Variants in RNF13 observed in about 807,000 individuals in gnomAD.
RNF13 encodes the protein ring finger protein 13.
A neutral mutation model predicts 37.7 loss-of-function variants in RNF13; 19 were observed. The ratio of observed to expected loss-of-function variants is 0.50; its 90% CI spans 0.35 to 0.74. The LOEUF (loss-of-function observed/expected upper bound fraction) is 0.74. RNF13 is among the 30% of genes least tolerant of loss of function. RNF13 has a pLI of 0.01. For missense variants in RNF13, 375 were observed against 453.0 expected (o/e 0.83, Z 1.56); for synonymous variants, 144 against 157.8 (o/e 0.91, Z 0.65).
intron 1 of RNF13, among the ~76,000 whole-genome samples, chr3:149,825,315 C>T (rs10935779): frequency 0.33 from 50,143 of 151,894 alleles, 9,964 homozygotes; most frequent in East Asian, 0.63. Flanking sequence ...TTACAGGCAC[C>T]ACCACGCCTG....
chr3:149,931,164 A>G (rs1336716365), intron 8 of RNF13, among the ~76,000 whole-genome samples: 1 of 152,050 alleles, frequency 6.6e-6, no homozygotes, highest in Non-Finnish European at 1.5e-5. Context: ...CCCAGGCTCA[A>G]CCAACCCTTC....
chr3:149,881,152 G>A (rs1174332838), intron 4 of RNF13, among the ~76,000 whole-genome samples: 2 of 152,116 alleles, frequency 1.3e-5, no homozygotes, highest in Admixed American at 6.6e-5. Context: ...TCTTTTCTGT[G>A]TAGCAGTGAA....
At chr3:149,919,536 C>T (rs1054856882) in intron 7 of RNF13, among the ~76,000 whole-genome samples, 14 of 152,052 alleles carry the variant, frequency 9.2e-5, no homozygotes, top group African/African-American at 2.9e-4. Flanking sequence ...TTTCTGTCAC[C>T]GTAATTATTT....
At chr3:149,856,871 C>T (rs1024345747) in intron 3 of RNF13, among the ~76,000 whole-genome samples, 2 of 152,090 alleles carry the variant, frequency 1.3e-5, no homozygotes, top group African/African-American at 4.8e-5. Context: ...CCTCAGCCTC[C>T]TGAGTAGCTG....
intron 7 of RNF13, among the ~76,000 whole-genome samples, chr3:149,915,900 G>T (rs481890): frequency 6.6e-6 from 1 of 152,152 alleles, no homozygotes; most frequent in Admixed American, 6.5e-5. Context: ...TAAGATGAAG[G>T]CTGTGAATGG....
intron 1 of RNF13, among the ~76,000 whole-genome samples, chr3:149,830,059 C>T (rs946390321): frequency 1.1e-4 from 16 of 142,120 alleles, no homozygotes; most frequent in African/African-American, 4.3e-4. Context: ...GCTGTCAGTC[C>T]ATTAAACCTC....
At chr3:149,932,597 C>G (rs574712637) in intron 8 of RNF13, among the ~76,000 whole-genome samples, 7 of 152,238 alleles carry the variant, frequency 4.6e-5, no homozygotes, top group Non-Finnish European at 7.3e-5. Flanking sequence ...AGGCCCCACA[C>G]AAGTCTGAAA....
At chr3:149,880,311 T>C (rs1463406255) in intron 4 of RNF13, among the ~76,000 whole-genome samples, 6 of 152,194 alleles carry the variant, frequency 3.9e-5, no homozygotes, top group Non-Finnish European at 1.5e-5. Flanking sequence ...TTGATTGGAA[T>C]ATGAATCCTA....
At chr3:149,886,398 T>G (rs1194699974) in intron 4 of RNF13, among the ~76,000 whole-genome samples, 1 of 152,150 alleles carries the variant, frequency 6.6e-6, no homozygotes, top group African/African-American at 2.4e-5. Flanking sequence ...TTTGGATTGT[T>G]CATTGCTAGT....
intron 1 of RNF13, among the ~76,000 whole-genome samples, chr3:149,845,326 A>C (rs1015059261): frequency 6.6e-6 from 1 of 152,126 alleles, no homozygotes; most frequent in South Asian, 2.1e-4. Flanking sequence ...CTTACCAATG[A>C]TAATTTTTAT....
intron 4 of RNF13, among the ~76,000 whole-genome samples, chr3:149,883,055 A>G (rs1332442587): frequency 6.6e-6 from 1 of 152,202 alleles, no homozygotes; most frequent in Admixed American, 6.5e-5. Flanking sequence ...ACATGTAGTT[A>G]CCACACTTAA....
chr3:149,814,322 A>C (rs576730911), intron 1 of RNF13: 2 of 152,370 alleles, frequency 1.3e-5, no homozygotes, highest in East Asian at 1.9e-4. Context: ...AGATCAATTC[A>C]AGATTTAAGG....
intron 8 of RNF13, among the ~76,000 whole-genome samples, chr3:149,948,982 C>A (rs1347546676): frequency 6.6e-6 from 1 of 151,922 alleles, no homozygotes; most frequent in Non-Finnish European, 1.5e-5. Flanking sequence ...GAGTCGAGAT[C>A]ATGCCACTGC....
chr3:149,833,780 A>G (rs1721307534), intron 1 of RNF13, among the ~76,000 whole-genome samples: 1 of 152,260 alleles, frequency 6.6e-6, no homozygotes, highest in African/African-American at 2.4e-5. Context: ...GGCAAGAAAG[A>G]GAAATGAAAG....
chr3:149,957,819 A>G (rs1296144464), intron 8 of RNF13, among the ~76,000 whole-genome samples: 1 of 152,240 alleles, frequency 6.6e-6, no homozygotes, highest in Non-Finnish European at 1.5e-5. Context: ...ACATAAAGAT[A>G]AGTGTTTTAC....
chr3:149,900,474 TGAGACAGGAG>T (rs1715708366), intron 5 of RNF13, among the ~76,000 whole-genome samples: 1 of 152,016 alleles, frequency 6.6e-6, no homozygotes, highest in African/African-American at 2.4e-5. Context: ...CTTGGGAGGC[TGAGACAGGAG>T]GGGCACTTGA....
chr3:149,935,064 T>C (rs1444069043), intron 8 of RNF13, among the ~76,000 whole-genome samples: 2 of 152,236 alleles, frequency 1.3e-5, no homozygotes, highest in Non-Finnish European at 2.9e-5. Context: ...TTCCATGTGC[T>C]GATGAGAAGA....
chr3:149,907,351 TTAAG>T (rs1301412222), intron 6 of RNF13, among the ~76,000 whole-genome samples: 1 of 152,232 alleles, frequency 6.6e-6, no homozygotes, highest in Non-Finnish European at 1.5e-5. Flanking sequence ...TCTCGTTTCT[TTAAG>T]TAAGATTCTG....
At chr3:149,927,766 G>A (rs1320600248) in intron 8 of RNF13, among the ~76,000 whole-genome samples, 1 of 151,918 alleles carries the variant, frequency 6.6e-6, no homozygotes, top group African/African-American at 2.4e-5. Flanking sequence ...TATTTCCTTT[G>A]GCAAATTATC....
Sources: allele counts gnomAD v4.1 joint callset (sites outside exome capture counted in the v4.1 genomes callset), GRCh38; gene constraint gnomAD v4.1.1; transcripts MANE v1.5; gene names NCBI Gene and HGNC (gene_info 2026-07-23, HGNC 2026-07-21).